Variants in CSNK1G3 observed in about 807,000 individuals in gnomAD.
CSNK1G3 encodes casein kinase I isoform gamma-3.
In CSNK1G3, 23 loss-of-function variants were observed where a neutral mutation model predicts 64.3. That is an observed-to-expected ratio of 0.36 (90% CI 0.26 to 0.51). The LOEUF (loss-of-function observed/expected upper bound fraction) is 0.51, where lower values mean the gene tolerates loss of function less well. CSNK1G3 is among the 20% of genes least tolerant of loss of function. The pLI, the probability that CSNK1G3 is intolerant of heterozygous loss-of-function variation, is 0.96. For missense variants in CSNK1G3, 357 were observed against 510.5 expected (o/e 0.70, Z 2.90); for synonymous variants, 158 against 162.2 (o/e 0.97, Z 0.20).
At position 123,601,511 on chromosome 5, in the gene CSNK1G3, G is replaced by A. The variant is rs73286313; in HGVS notation, c.1087-3213G>A. On this transcript the variant is annotated intron_variant, in intron 10 of 12. Transcript: ENST00000345990. The stretch of plus-strand genomic sequence containing the variant: ...GAAGATGTTGCTTCCTTCTGGTCTG[G>A]TTCTGGTCAACCAGGTAAAATGGGG... Among the ~76,000 whole-genome samples the A allele has an allele frequency of 3.2e-3, 482 of 152,258 alleles. 5 individuals are homozygous for A. The highest frequency in any genetic ancestry group is 0.011 in the African/African-American group (464 of 41,558).
chr5:123,517,303 CA>C (rs1235838836), intron 1 of CSNK1G3, among the ~76,000 whole-genome samples: 1 of 152,126 alleles, frequency 6.6e-6, no homozygotes, highest in East Asian at 1.9e-4. Flanking sequence ...TTATTCCCCC[CA>C]GTTACTGTAG....
At chr5:123,547,441 G>A (rs1782744486) in intron 2 of CSNK1G3, among the ~76,000 whole-genome samples, 1 of 151,938 alleles carries the variant, frequency 6.6e-6, no homozygotes, top group African/African-American at 2.4e-5. Flanking sequence ...ATGTATATAG[G>A]TATGTGTCTG....
chr5:123,581,360 GTTTTT>G (rs10612602), intron 6 of CSNK1G3, among the ~76,000 whole-genome samples: 3 of 81,594 alleles, frequency 3.7e-5, no homozygotes, highest in African/African-American at 5.1e-5. Flanking sequence ...TTTTGGGTTT[GTTTTT>G]TTTTTTTTTT....
At chr5:123,558,673 A>G (rs1785089304) in intron 4 of CSNK1G3, among the ~76,000 whole-genome samples, 1 of 152,194 alleles carries the variant, frequency 6.6e-6, no homozygotes, top group East Asian at 1.9e-4. Context: ...ATCACTACAG[A>G]CTTCTTATAA....
At chr5:123,605,025 A>G (rs746052219) in intron 11 of CSNK1G3, among the ~76,000 whole-genome samples, 195 bp downstream of exon 12, 7 of 152,162 alleles carry the variant, frequency 4.6e-5, no homozygotes, top group Non-Finnish European at 1.0e-4. Flanking sequence ...TTTTAATAAT[A>G]CAAAATATTT....
intron 6 of CSNK1G3, among the ~76,000 whole-genome samples, chr5:123,578,684 A>G (rs749847166): frequency 5.9e-5 from 9 of 151,924 alleles, no homozygotes; most frequent in Non-Finnish European, 1.3e-4. Flanking sequence ...ACCTTCATGT[A>G]ATAAGGTAAA....
intron 4 of CSNK1G3, among the ~76,000 whole-genome samples, chr5:123,569,088 G>A (rs575502182): frequency 1.3e-5 from 2 of 152,310 alleles, no homozygotes; most frequent in East Asian, 3.9e-4. Context: ...TTTTTAGGTA[G>A]CTGCCAACTC....
chr5:123,518,953 T>A (rs1777634155), intron 1 of CSNK1G3, among the ~76,000 whole-genome samples: 1 of 152,232 alleles, frequency 6.6e-6, no homozygotes, highest in Non-Finnish European at 1.5e-5. Context: ...ATACATGGGC[T>A]TTCTCCATGC....
At chr5:123,532,804 C>T (rs1162810086) in intron 1 of CSNK1G3, among the ~76,000 whole-genome samples, 1 of 151,804 alleles carries the variant, frequency 6.6e-6, no homozygotes, top group African/African-American at 2.4e-5. Flanking sequence ...ATTAATAGGT[C>T]TATTAAATTA....
At chr5:123,560,828 G>T (rs775336174) in intron 4 of CSNK1G3, among the ~76,000 whole-genome samples, 5 of 152,112 alleles carry the variant, frequency 3.3e-5, no homozygotes, top group Admixed American at 2.0e-4. Context: ...CAGAAATGGG[G>T]AATTATTGTT....
At chr5:123,552,972 G>GT (rs1165016085) in intron 2 of CSNK1G3, 135 bp from the exon 3 acceptor site, 9 of 472,494 alleles carry the variant, frequency 1.9e-5, no homozygotes, top group Middle Eastern at 4.2e-4. Context: ...TCCTTGTTAA[G>GT]TTTTTTTGCC....
chr5:123,552,440 G>A (rs2150355055), intron 2 of CSNK1G3, among the ~76,000 whole-genome samples: 1 of 152,202 alleles, frequency 6.6e-6, no homozygotes, highest in South Asian at 2.1e-4. Flanking sequence ...CACCACGCCC[G>A]GCCATGATCT....
At chr5:123,517,305 G>A (rs1248104579) in intron 1 of CSNK1G3, among the ~76,000 whole-genome samples, 2 of 152,064 alleles carry the variant, frequency 1.3e-5, no homozygotes, top group African/African-American at 4.8e-5. Flanking sequence ...ATTCCCCCCA[G>A]TTACTGTAGA....
intron 4 of CSNK1G3, among the ~76,000 whole-genome samples, chr5:123,565,167 G>A (rs1450041948): frequency 2.0e-5 from 3 of 152,058 alleles, no homozygotes; most frequent in Non-Finnish European, 4.4e-5. Flanking sequence ...TTTAATGTCT[G>A]GCTTAACAGT....
exon 13 of CSNK1G3, chr5:123,616,646 ATGCTTATTTTC>A (rs1407157746): frequency 6.6e-6 from 1 of 152,584 alleles, no homozygotes; most frequent in Non-Finnish European, 1.5e-5. Flanking sequence ...TTGCATTTTT[ATGCTTATTTTC>A]TGTCAACACT....
intron 4 of CSNK1G3, among the ~76,000 whole-genome samples, chr5:123,562,737 GA>G (rs57225963): frequency 0.079 from 11,940 of 151,876 alleles, 540 homozygotes; most frequent in South Asian, 0.12. Context: ...GAGATCAAAG[GA>G]AAAAATTATT....
chr5:123,601,940 C>G (rs530784543), intron 10 of CSNK1G3, among the ~76,000 whole-genome samples: 4 of 152,124 alleles, frequency 2.6e-5, no homozygotes, highest in African/African-American at 9.6e-5. Flanking sequence ...TTTGTGTCTC[C>G]TTTCCAATTT....
At chr5:123,527,359 A>G (rs1004358513) in intron 1 of CSNK1G3, among the ~76,000 whole-genome samples, 4 of 152,152 alleles carry the variant, frequency 2.6e-5, no homozygotes, top group Non-Finnish European at 5.9e-5. Context: ...AGGCTTTCAT[A>G]GTTTGGAGGA....
Position 123,562,825 on chromosome 5 carries a change from A to G in CSNK1G3, c.289+5261A>G, listed in dbSNP as rs4467703. On this transcript the variant is annotated intron_variant, in intron 4 of 12. Transcript: ENST00000345990. ...GTTTTATATTAAAACTTGCTGAACT[A>G]TACAACTCAGCCATCTAAAATTAGT... Among the ~76,000 whole-genome samples, 715 of 152,180 alleles carry G rather than the reference A, an allele frequency of 4.7e-3. 2 individuals carry two copies. Among genetic ancestry groups the G allele is most frequent in the Non-Finnish European group, 7.9e-3 (538 of 67,920 alleles).
Sources: gnomAD v4.1 joint callset for allele counts (sites outside exome capture counted in the v4.1 genomes callset) on GRCh38, gnomAD v4.1.1 for gene constraint, MANE v1.5 for transcripts, NCBI Gene and HGNC (gene_info 2026-07-23, HGNC 2026-07-21) for gene names.